Variants in MAN1A1 observed in about 807,000 individuals in gnomAD.
The protein encoded by MAN1A1 is mannosidase alpha class 1A member 1, also known as mannosyl-oligosaccharide 1,2-alpha-mannosidase IA.
A neutral mutation model predicts 70.8 loss-of-function variants in MAN1A1; 29 were observed. The ratio of observed to expected loss-of-function variants is 0.41; its 90% CI spans 0.31 to 0.56. The LOEUF is 0.56. Ranked by LOEUF, MAN1A1 falls within the 20% of genes least tolerant of loss-of-function variation. The pLI, the probability that MAN1A1 is intolerant of heterozygous loss-of-function variation, is 0.29. For missense variants in MAN1A1, 747 were observed against 841.3 expected (o/e 0.89, Z 1.39); for synonymous variants, 349 against 330.1 (o/e 1.06, Z -0.62).
intron 2 of MAN1A1, among the ~76,000 whole-genome samples, chr6:119,338,201 T>C (rs1223578494): frequency 2.0e-5 from 3 of 152,172 alleles, no homozygotes; most frequent in African/African-American, 7.2e-5. Flanking sequence ...CACAGTGTTA[T>C]AGCCAAATTT....
At chr6:119,336,711 G>C (rs907234127) in intron 2 of MAN1A1, among the ~76,000 whole-genome samples, 10 of 152,102 alleles carry the variant, frequency 6.6e-5, no homozygotes, top group African/African-American at 2.4e-4. Context: ...GATTTCTCTA[G>C]TGGAAAATAA....
intron 5 of MAN1A1, among the ~76,000 whole-genome samples, chr6:119,276,588 T>C (rs942586798): frequency 6.6e-6 from 1 of 152,210 alleles, no homozygotes; most frequent in Non-Finnish European, 1.5e-5. Flanking sequence ...CAGAAACTCA[T>C]AAATGCTGGA....
At chr6:119,350,370 G>C (rs1306175119), upstream of MAN1A1, among the ~76,000 whole-genome samples, 4 of 152,220 alleles carry the variant, frequency 2.6e-5, no homozygotes, top group Non-Finnish European at 4.4e-5. Flanking sequence ...GGGAGCTTTT[G>C]AGCTCTCTGG....
Position 119,244,525 on chromosome 6 carries a change from G to A in MAN1A1, c.992+3735C>T, listed in dbSNP as rs116469839. ...TATTGGATTAACAATTTAAATAGAT[G>A]TGGCAGAAAAGACAATTAAAATTTT... On this transcript the variant is annotated intron_variant, in intron 6 of 12. Coordinates refer to ENST00000368468, the MANE Select transcript of MAN1A1 (RefSeq NM_005907.4). Among the ~76,000 whole-genome samples, 840 of 152,190 alleles carry A rather than the reference G, an allele frequency of 5.5e-3. 8 individuals carry two copies. Among genetic ancestry groups the A allele is most frequent in the African/African-American group, 0.019 (795 of 41,556 alleles).
At chr6:119,301,681 A>T (rs1772393207) in intron 4 of MAN1A1, among the ~76,000 whole-genome samples, 1 of 152,204 alleles carries the variant, frequency 6.6e-6, no homozygotes, top group Non-Finnish European at 1.5e-5. Flanking sequence ...TGTTTAATAT[A>T]CAAAGGTGTG....
intron 6 of MAN1A1, among the ~76,000 whole-genome samples, chr6:119,212,148 G>GT (rs11395008): frequency 0.33 from 47,280 of 144,988 alleles, 7,861 homozygotes; most frequent in Non-Finnish European, 0.36. Flanking sequence ...CCAATAGTAG[G>GT]TTTTTTTTTT....
chr6:119,315,603 GA>G (rs1169269417), intron 2 of MAN1A1, among the ~76,000 whole-genome samples: 4 of 152,088 alleles, frequency 2.6e-5, no homozygotes, highest in African/African-American at 7.2e-5. Context: ...CAGGGGAAAA[GA>G]AAAAGAATAA....
chr6:119,229,599 A>G (rs1774619607), intron 6 of MAN1A1, among the ~76,000 whole-genome samples: 1 of 152,206 alleles, frequency 6.6e-6, no homozygotes, highest in South Asian at 2.1e-4. Context: ...CTGAAAATCA[A>G]TGGCATCCAC....
chr6:119,194,239 T>A lies in MAN1A1; in HGVS notation c.1211-347A>T, dbSNP rs189237057. ...CATTTTTATTTGCTTTAGTTCTGAA[T>A]AATATAAAATTCTGGCAAAGCTATG... On this transcript the variant is annotated intron_variant, in intron 8 of 12. Transcript: ENST00000368468. Among the ~76,000 whole-genome samples, 127 of 152,356 alleles carry A rather than the reference T, an allele frequency of 8.3e-4. 1 individual carries two copies. In the Middle Eastern group the frequency reaches 0.01, roughly 12 times the overall value.
At chr6:119,205,230 T>C (rs1562191214) in intron 6 of MAN1A1, among the ~76,000 whole-genome samples, 1 of 152,172 alleles carries the variant, frequency 6.6e-6, no homozygotes, top group Non-Finnish European at 1.5e-5. Flanking sequence ...CATGCCCAAA[T>C]GCCACATAAA....
Position 119,204,655 on chromosome 6 carries a change from A to G in MAN1A1, c.1116+104T>C, listed in dbSNP as rs1010207913. 35 of 1,382,018 alleles carry G rather than the reference A, an allele frequency of 2.5e-5. No individual in the cohort carries two copies. The African/African-American group carries it at 4.6e-4, about 18-fold the overall frequency. 85.6% of individuals were successfully genotyped at this position (1,382,018 alleles called of 1,614,324 possible). On this transcript the variant is annotated intron_variant, in intron 7 of 12. Coordinates refer to ENST00000368468, the MANE Select transcript of MAN1A1 (RefSeq NM_005907.4). ...AAAACTTCAGAAAGAGCTATAACAA[A>G]TTTGGTTATTATTTCCACTTCAAAA...
chr6:119,258,669 A>T (rs1232345053), intron 5 of MAN1A1, among the ~76,000 whole-genome samples: 1 of 152,198 alleles, frequency 6.6e-6, no homozygotes, highest in Non-Finnish European at 1.5e-5. Context: ...AGCATTCTAC[A>T]CTAGTGAATT....
intron 2 of MAN1A1, among the ~76,000 whole-genome samples, chr6:119,338,402 A>T (rs1248600351): frequency 6.6e-6 from 1 of 152,186 alleles, no homozygotes; most frequent in Non-Finnish European, 1.5e-5. Context: ...TATCTTTGAC[A>T]AAATGCATAT....
chr6:119,300,291 T>A (rs1388662604), intron 4 of MAN1A1, among the ~76,000 whole-genome samples: 1 of 151,780 alleles, frequency 6.6e-6, no homozygotes, highest in Non-Finnish European at 1.5e-5. Context: ...CGTCTTGCTC[T>A]ACTGCCCAGG....
chr6:119,299,185 C>A, intron 4 of MAN1A1, among the ~76,000 whole-genome samples: 1 of 151,780 alleles, frequency 6.6e-6, no homozygotes, highest in African/African-American at 2.4e-5. Flanking sequence ...CATATTAAAA[C>A]CAACTAGAAT....
intron 8 of MAN1A1, 104 bp from the exon 9 acceptor site, chr6:119,193,996 G>T: frequency 1.6e-6 from 1 of 630,602 alleles, no homozygotes; most frequent in Non-Finnish European, 2.8e-6. Flanking sequence ...TCAACTGCAA[G>T]TCACTGTTAC....
chr6:119,226,857 A>T, intron 6 of MAN1A1, among the ~76,000 whole-genome samples: 1 of 151,972 alleles, frequency 6.6e-6, no homozygotes, highest in Non-Finnish European at 1.5e-5. Flanking sequence ...TTTTTAGTAG[A>T]GACAGAGTTT....
At chr6:119,243,318 T>A (rs1029821386) in intron 6 of MAN1A1, among the ~76,000 whole-genome samples, 7 of 152,088 alleles carry the variant, frequency 4.6e-5, no homozygotes, top group Non-Finnish European at 1.0e-4. Flanking sequence ...TTCTGCTTCA[T>A]TTGAAAATAT....
chr6:119,236,270 T>C (rs1344603015), intron 6 of MAN1A1, among the ~76,000 whole-genome samples: 1 of 152,226 alleles, frequency 6.6e-6, no homozygotes, highest in Non-Finnish European at 1.5e-5. Context: ...TGAGACCTAC[T>C]GCTCAGACAA....
Sources: allele counts gnomAD v4.1 joint callset (sites outside exome capture counted in the v4.1 genomes callset), GRCh38; gene constraint gnomAD v4.1.1; transcripts MANE v1.5; gene names NCBI Gene and HGNC (gene_info 2026-07-23, HGNC 2026-07-21).